Variants in GRAMD1C observed in about 807,000 individuals in gnomAD.
GRAMD1C encodes the protein protein Aster-C.
Under a neutral mutation model 97.8 loss-of-function variants are expected in GRAMD1C, and 89 were observed. That is an observed-to-expected ratio of 0.91 (90% CI 0.77 to 1.09). The LOEUF is 1.09. GRAMD1C is among the 50% of genes least tolerant of loss of function. GRAMD1C has a pLI of 0.00. For synonymous variants in GRAMD1C, 256 were observed against 267.0 expected (o/e 0.96, Z 0.40); for missense variants, 740 against 766.4 (o/e 0.97, Z 0.41).
At chr3:113,937,505 CT>C (rs1354911001) in intron 14 of GRAMD1C, among the ~76,000 whole-genome samples, 1 of 151,944 alleles carries the variant, frequency 6.6e-6, no homozygotes, top group Non-Finnish European at 1.5e-5. Flanking sequence ...TATTGAATTG[CT>C]TGTTTAATTT....
chr3:113,933,925 A>G (rs1003934369), intron 12 of GRAMD1C, among the ~76,000 whole-genome samples: 4 of 152,220 alleles, frequency 2.6e-5, no homozygotes, highest in Non-Finnish European at 5.9e-5. Context: ...TCCATTGACC[A>G]GAACCAGTCA....
In GRAMD1C at chr3:113,838,800, G is replaced by GGCGGAGGAGGCGC. The variant is rs1709685293; in HGVS notation, c.-103_-91dup. ...TGCGGCTGGAAGTACTCGGAGGGCC[G>GGCGGAGGAGGCGC]GCGGAGGAGGCGCGCGGAGCCTGTA... On this transcript the variant is annotated 5_prime_UTR_variant, in exon 1 of 18. Coordinates refer to ENST00000358160, the MANE Select transcript of GRAMD1C (RefSeq NM_017577.5). 1.3e-6 allele frequency: 1 copy of GGCGGAGGAGGCGC among 746,982 alleles called. No individual in the cohort carries two copies. The allele number at this position is 746,982 out of a possible 1,614,324, so 46.3% of individuals were successfully genotyped here.
At chr3:113,876,329 G>T in intron 5 of GRAMD1C, 69 bp downstream of exon 5, 1 of 787,212 alleles carries the variant, frequency 1.3e-6, no homozygotes, top group Admixed American at 2.2e-5. Flanking sequence ...CATCATCAAT[G>T]TTGGGAAATT....
chr3:113,930,775 C>A lies in GRAMD1C; in HGVS notation c.1152C>A (p.Tyr384Ter). 1 of 1,612,446 alleles carries A rather than the reference C, an allele frequency of 6.2e-7. No individual in the cohort carries two copies. Among genetic ancestry groups the A allele is most frequent in the Admixed American group, 1.7e-5 (1 of 60,018 alleles). The change falls in exon 11 of 18, where the codon TAC (tyrosine) becomes TAA (stop). Residue 384 changes from tyrosine to a stop codon, truncating the protein, a stop_gained. Transcript: ENST00000358160. LOFTEE classifies it high-confidence loss of function. The stretch of plus-strand genomic sequence containing the variant: ...GTGATCAGCTGAGAACGATGACCTA[C>A]ACTATAGTCCTTAATAGTCCACTTA... ...LGGDQLRTMT[Y>*]TIVLNSPLTG...
chr3:113,916,341 A>G (rs1936809715), intron 10 of GRAMD1C, among the ~76,000 whole-genome samples: 2 of 152,208 alleles, frequency 1.3e-5, no homozygotes, highest in African/African-American at 4.8e-5. Context: ...CCCAAACTCA[A>G]AACAGTTCAA....
In GRAMD1C at chr3:113,888,366, A is replaced by G. The variant is rs552790080; in HGVS notation, c.540+5534A>G. On this transcript the variant is annotated intron_variant, in intron 6 of 17. Coordinates refer to ENST00000358160, the MANE Select transcript of GRAMD1C (RefSeq NM_017577.5). ...GAAATGGGGAGATGTTGGTTAAAGG[A>G]TACAAAGTTTCATTTATGCAAGATG... Among the ~76,000 whole-genome samples, 12 of 152,332 alleles carry G rather than the reference A, an allele frequency of 7.9e-5. No homozygotes were observed. In the South Asian group the frequency reaches 2.5e-3, roughly 32 times the overall value.
At chr3:113,846,995 G>T (rs1933641085) in intron 2 of GRAMD1C, among the ~76,000 whole-genome samples, 1 of 152,148 alleles carries the variant, frequency 6.6e-6, no homozygotes, top group Non-Finnish European at 1.5e-5. Flanking sequence ...AGCTAAATCA[G>T]AGTTCATGCT....
intron 6 of GRAMD1C, chr3:113,890,828 G>A: frequency 3.0e-6 from 2 of 663,550 alleles, no homozygotes; most frequent in South Asian, 1.7e-5. Flanking sequence ...GTTTACAGAT[G>A]AGCCAAGGGA....
intron 1 of GRAMD1C, among the ~76,000 whole-genome samples, chr3:113,830,382 TA>T (rs142009257): frequency 0.041 from 6,200 of 152,300 alleles, 362 homozygotes; most frequent in African/African-American, 0.13. Flanking sequence ...TTAGCTTGCT[TA>T]TCTATGTTTG....
intron 10 of GRAMD1C, among the ~76,000 whole-genome samples, chr3:113,921,783 C>T (rs572321127): frequency 1.3e-5 from 2 of 152,106 alleles, no homozygotes; most frequent in African/African-American, 4.8e-5. Context: ...TGTTTATATC[C>T]CTTGCCCACT....
At chr3:113,885,052 C>T (rs1046017086) in intron 6 of GRAMD1C, among the ~76,000 whole-genome samples, 2 of 151,436 alleles carry the variant, frequency 1.3e-5, no homozygotes, top group Non-Finnish European at 3.0e-5. Flanking sequence ...CCGAAGGCGT[C>T]GGTGCCACTC....
At chr3:113,846,823 A>G (rs115957649) in intron 2 of GRAMD1C, among the ~76,000 whole-genome samples, 1,529 of 152,296 alleles carry the variant, frequency 0.01, 38 homozygotes, top group African/African-American at 0.035. Context: ...CTGATTGCAA[A>G]CACTTCATTT....
chr3:113,888,129 T>C (rs1229709490), intron 6 of GRAMD1C, among the ~76,000 whole-genome samples: 1 of 152,182 alleles, frequency 6.6e-6, no homozygotes, highest in African/African-American at 2.4e-5. Flanking sequence ...ACTTTATCTA[T>C]GAGTACAGTA....
At chr3:113,883,777 A>G (rs1935349875) in intron 6 of GRAMD1C, among the ~76,000 whole-genome samples, 1 of 152,234 alleles carries the variant, frequency 6.6e-6, no homozygotes, top group South Asian at 2.1e-4. Context: ...TCATAAACAT[A>G]TATAGACCTC....
At chr3:113,885,864 G>A in intron 6 of GRAMD1C, 1 of 1,612,284 alleles carries the variant, frequency 6.2e-7, no homozygotes, top group Non-Finnish European at 8.5e-7. Context: ...TAACTCCCTA[G>A]GGGCTTACAG....
intron 6 of GRAMD1C, chr3:113,886,020 C>G (rs1935460448): frequency 7.7e-7 from 1 of 1,300,706 alleles, no homozygotes; most frequent in Non-Finnish European, 1.0e-6. Flanking sequence ...TCACCAACAT[C>G]GGCTCTGGTG....
intron 10 of GRAMD1C, chr3:113,919,769 A>G: frequency 1.7e-6 from 1 of 594,530 alleles, no homozygotes; most frequent in South Asian, 1.5e-5. Flanking sequence ...TAGTAAGTCA[A>G]AGTATCATTT....
intron 2 of GRAMD1C, among the ~76,000 whole-genome samples, chr3:113,858,036 T>C (rs533946166): frequency 5.3e-5 from 8 of 152,292 alleles, no homozygotes; most frequent in African/African-American, 1.9e-4. Context: ...TGCTCCCTCT[T>C]GTTCTGTTTT....
intron 2 of GRAMD1C, among the ~76,000 whole-genome samples, chr3:113,857,625 C>T (rs1024398384): frequency 1.3e-5 from 2 of 152,164 alleles, no homozygotes; most frequent in Non-Finnish European, 2.9e-5. Flanking sequence ...ATCCTCCCAC[C>T]TTGGCCTCCC....
Sources: allele counts gnomAD v4.1 joint callset (sites outside exome capture counted in the v4.1 genomes callset), GRCh38; gene constraint gnomAD v4.1.1; transcripts MANE v1.5; gene names NCBI Gene and HGNC (gene_info 2026-07-23, HGNC 2026-07-21).